Variants in TMEM266 observed in about 807,000 individuals in gnomAD.
TMEM266 encodes the protein Hv1 related protein 1.
TMEM266 carries 33 observed loss-of-function variants against 50.5 expected under a neutral mutation model. The ratio of observed to expected loss-of-function variants is 0.65; its 90% CI spans 0.50 to 0.87. TMEM266 has a LOEUF of 0.87. Among genes scored for constraint, TMEM266 ranks in the 40% least tolerant of loss-of-function variants. The pLI is 0.00. For missense variants in TMEM266, 655 were observed against 695.1 expected (o/e 0.94, Z 0.65); for synonymous variants, 310 against 292.3 (o/e 1.06, Z -0.62).
intron 8 of TMEM266, among the ~76,000 whole-genome samples, chr15:76,187,151 A>G (rs550818558): frequency 3.1e-4 from 47 of 152,234 alleles, no homozygotes; most frequent in African/African-American, 1.1e-3. Context: ...CTACTGAATG[A>G]ATGAATGAAT....
At chr15:76,079,832 G>A (rs1378319205) in intron 1 of TMEM266, among the ~76,000 whole-genome samples, 1 of 151,290 alleles carries the variant, frequency 6.6e-6, no homozygotes, top group East Asian at 1.9e-4. Flanking sequence ...TTAGGGCGGT[G>A]GGGGGGTGGG....
intron 8 of TMEM266, among the ~76,000 whole-genome samples, chr15:76,190,187 GCCC>G (rs570814532): frequency 2.0e-3 from 307 of 152,372 alleles, no homozygotes; most frequent in Middle Eastern, 6.8e-3. Flanking sequence ...GTCAGGGAAG[GCCC>G]CTCTGAGGGG....
intron 1 of TMEM266, among the ~76,000 whole-genome samples, chr15:76,126,363 A>C (rs1464737956): frequency 8.0e-6 from 1 of 124,792 alleles, no homozygotes; most frequent in Non-Finnish European, 1.6e-5. Context: ...ACACACACAC[A>C]CACCCACAGA....
intron 1 of TMEM266, among the ~76,000 whole-genome samples, chr15:76,124,443 A>C (rs1045414135): frequency 2.0e-5 from 3 of 152,230 alleles, no homozygotes; most frequent in Non-Finnish European, 2.9e-5. Flanking sequence ...GGAATAATTC[A>C]TATTATTGAA....
intron 1 of TMEM266, among the ~76,000 whole-genome samples, chr15:76,101,177 A>G (rs1250758972): frequency 6.6e-6 from 1 of 152,190 alleles, no homozygotes; most frequent in East Asian, 1.9e-4. Flanking sequence ...CATGGCAGTC[A>G]GCAACAGAGC....
chr15:76,066,205 C>A (rs1408254156), intron 1 of TMEM266, among the ~76,000 whole-genome samples: 1 of 152,188 alleles, frequency 6.6e-6, no homozygotes, highest in Non-Finnish European at 1.5e-5. Flanking sequence ...CTTCCAAAAT[C>A]CTTTTTCCTC....
chr15:76,063,381 T>C (rs2959847), intron 1 of TMEM266, among the ~76,000 whole-genome samples: 6,435 of 152,254 alleles, frequency 0.042, 476 homozygotes, highest in African/African-American at 0.15. Flanking sequence ...ATGAAGCACT[T>C]TCTGCCCCAT....
chr15:76,173,412 C>T (rs961562454), intron 7 of TMEM266, among the ~76,000 whole-genome samples: 1 of 152,082 alleles, frequency 6.6e-6, no homozygotes, highest in African/African-American at 2.4e-5. Flanking sequence ...GTGTTAAAGT[C>T]AGGAGTGGAC....
chr15:76,179,038 G>C (rs1308145332), intron 8 of TMEM266, among the ~76,000 whole-genome samples: 1 of 152,208 alleles, frequency 6.6e-6, no homozygotes, highest in Non-Finnish European at 1.5e-5. Context: ...ACTTGACTGG[G>C]TAACAGATAC....
rs185682862 is a variant in TMEM266, at chr15:76,104,487, T to G, written c.-96-29681T>G. Among the ~76,000 whole-genome samples, 537 of 152,008 alleles carry G rather than the reference T, an allele frequency of 3.5e-3. 1 individual carries two copies. The highest frequency in any genetic ancestry group is 6.4e-3 in the Non-Finnish European group (434 of 67,966). ...AGCGCTGATATGTCTCGAGATGTGG[T>G]GAGATTTCCAGGGCAGCGGATGGAG... On this transcript the variant is annotated intron_variant, in intron 1 of 10. Coordinates refer to ENST00000388942, the MANE Select transcript of TMEM266 (RefSeq NM_152335.3).
chr15:76,165,455 A>G (rs2038080433), intron 5 of TMEM266, among the ~76,000 whole-genome samples: 1 of 152,362 alleles, frequency 6.6e-6, no homozygotes, highest in South Asian at 2.1e-4. Context: ...ACTGCTTATC[A>G]GAGCAGCCTC....
At chr15:76,158,328 A>G (rs368529666) in intron 4 of TMEM266, among the ~76,000 whole-genome samples, 1 of 152,226 alleles carries the variant, frequency 6.6e-6, no homozygotes, top group African/African-American at 2.4e-5. Flanking sequence ...ATCTTCCAGC[A>G]TAAAGTGACC....
At chr15:76,193,575 G>A (rs1379069248) in intron 9 of TMEM266, among the ~76,000 whole-genome samples, 1 of 152,184 alleles carries the variant, frequency 6.6e-6, no homozygotes, top group Non-Finnish European at 1.5e-5. Context: ...GGCTAGAGGG[G>A]ATTTCTGGGT....
chr15:76,081,859 A>G (rs1161804119), intron 1 of TMEM266, among the ~76,000 whole-genome samples: 1 of 152,192 alleles, frequency 6.6e-6, no homozygotes, highest in Non-Finnish European at 1.5e-5. Flanking sequence ...AGATTCAGGA[A>G]AATGCCCCCT....
intron 5 of TMEM266, 91 bp from the exon 6 acceptor site, chr15:76,169,725 G>A: frequency 7.1e-7 from 1 of 1,413,982 alleles, no homozygotes; most frequent in Non-Finnish European, 1.0e-6. Context: ...TTTACTGAAT[G>A]CAGAAGCAGA....
chr15:76,151,194 G>A (rs1393764272), intron 3 of TMEM266, among the ~76,000 whole-genome samples: 1 of 152,132 alleles, frequency 6.6e-6, no homozygotes, highest in Non-Finnish European at 1.5e-5. Flanking sequence ...ATGGGCCGAC[G>A]CTGAAGACAG....
Position 76,161,346 on chromosome 15 carries a change from G to C in TMEM266, c.456+1178G>C, listed in dbSNP as rs2038015983. 6.6e-6 allele frequency among the ~76,000 whole-genome samples: 1 copy of C among 152,130 alleles called. No homozygotes were observed. The highest frequency in any genetic ancestry group is 2.4e-5 in the African/African-American group (1 of 41,434). ...ACCCCGAGACGGGGGGCCTTGAAGG[G>C]AGGAAGGATGCTATGGGAGAGGGTG... On this transcript the variant is annotated intron_variant, in intron 5 of 10. Coordinates refer to ENST00000388942, the MANE Select transcript of TMEM266 (RefSeq NM_152335.3). The surrounding 1 kb of genome is among the most constrained non-coding windows in gnomAD (Gnocchi z 4.1).
intron 3 of TMEM266, among the ~76,000 whole-genome samples, chr15:76,142,688 A>C (rs1309914318): frequency 2.0e-5 from 3 of 152,210 alleles, no homozygotes; most frequent in Non-Finnish European, 2.9e-5. Context: ...GTGAGGAAGA[A>C]GGAGCAGTCG....
In TMEM266 at chr15:76,203,623, C is replaced by T. The variant is rs189178388; in HGVS notation, c.1022-118C>T. The T allele has an allele frequency of 3.3e-4, 305 of 916,324 alleles. 1 individual carries two copies. In the African/African-American group the frequency reaches 4.1e-3, roughly 12 times the overall value. 56.8% of individuals were successfully genotyped at this position (916,324 alleles called of 1,614,324 possible). A position where few individuals can be genotyped will look rare whatever the true frequency, so the allele number is the denominator to read the frequency against. On this transcript the variant is annotated intron_variant, in intron 10 of 10. Coordinates refer to ENST00000388942, the MANE Select transcript of TMEM266 (RefSeq NM_152335.3). The stretch of plus-strand genomic sequence containing the variant: ...ACCAAGGCCTCCTTCCACAAAGGCA[C>T]GGTCTCCTACAGCCTAGCCACACTC...
Sources: allele counts gnomAD v4.1 joint callset (sites outside exome capture counted in the v4.1 genomes callset), GRCh38; gene constraint gnomAD v4.1.1; non-coding constraint Gnocchi (gnomAD v3.1); transcripts MANE v1.5; gene names NCBI Gene and HGNC (gene_info 2026-07-23, HGNC 2026-07-21).